Variants in XKR9 observed in about 807,000 individuals in gnomAD.
XKR9 encodes the protein XK related 9, also known as XK-related protein 9.
A neutral mutation model predicts 32.0 loss-of-function variants in XKR9; 32 were observed. The ratio of observed to expected loss-of-function variants is 1.00; its 90% CI spans 0.76 to 1.34. The LOEUF (loss-of-function observed/expected upper bound fraction) is 1.34. XKR9 is among the 40% of genes most tolerant of loss of function. The pLI is 0.00. For missense variants in XKR9, 546 were observed against 429.7 expected, an observed-to-expected ratio of 1.27 and a Z score of -2.39; for synonymous variants, 168 against 143.4, an observed-to-expected ratio of 1.17 and a Z score of -1.22.
chr8:71,013,516 A>G, the XKR9 span, among the ~76,000 whole-genome samples: 1 of 152,200 alleles, frequency 6.6e-6, no homozygotes, highest in East Asian at 1.9e-4. Flanking sequence ...AGTTTCCACA[A>G]GTTGGTTAAT....
At chr8:70,912,886 C>A in the XKR9 span, among the ~76,000 whole-genome samples, 1 of 152,060 alleles carries the variant, frequency 6.6e-6, no homozygotes, top group Non-Finnish European at 1.5e-5. Flanking sequence ...TCTGAAATAA[C>A]AAAGTAATTA....
chr8:70,848,175 A>G, the XKR9 span, among the ~76,000 whole-genome samples: 3 of 152,280 alleles, frequency 2.0e-5, no homozygotes, highest in South Asian at 4.1e-4. Flanking sequence ...ATGCAAATCA[A>G]TAGATGTGAT....
the XKR9 span, among the ~76,000 whole-genome samples, chr8:70,900,607 T>TAAAC: frequency 6.6e-6 from 1 of 151,662 alleles, no homozygotes; most frequent in African/African-American, 2.4e-5. Flanking sequence ...AATGAATAAA[T>TAAAC]AAATAAATAA....
the XKR9 span, among the ~76,000 whole-genome samples, chr8:70,930,627 T>A: frequency 1.1e-4 from 17 of 152,196 alleles, no homozygotes; most frequent in Non-Finnish European, 2.1e-4. Flanking sequence ...TGAACATATT[T>A]CAACTGCTTT....
At chr8:71,002,118 G>A in the XKR9 span, among the ~76,000 whole-genome samples, 1 of 151,992 alleles carries the variant, frequency 6.6e-6, no homozygotes, top group African/African-American at 2.4e-5. Context: ...CTATCATGAG[G>A]TCGTAAGAGA....
intron 2 of XKR9, among the ~76,000 whole-genome samples, chr8:70,757,217 C>A (rs768205790): frequency 6.6e-6 from 1 of 151,922 alleles, no homozygotes; most frequent in African/African-American, 2.4e-5. Context: ...CTCATTTCTC[C>A]TCTCCTTCTG....
chr8:70,712,545 G>C (rs932505175), intron 4 of XKR9, among the ~76,000 whole-genome samples: 2 of 152,030 alleles, frequency 1.3e-5, no homozygotes, highest in African/African-American at 2.4e-5. Flanking sequence ...ACTCCAAAAG[G>C]TACCCTTCTC....
intron 2 of XKR9, among the ~76,000 whole-genome samples, chr8:70,776,376 T>A (rs1276908618): frequency 6.6e-6 from 1 of 152,200 alleles, no homozygotes; most frequent in African/African-American, 2.4e-5. Context: ...TACCTTTTTT[T>A]AAGTGTCTGT....
chr8:71,017,298 T>C, the XKR9 span, among the ~76,000 whole-genome samples: 65,742 of 151,992 alleles, frequency 0.43, 15,275 homozygotes, highest in Non-Finnish European at 0.53. Context: ...TAAATATATC[T>C]TACAGTATGA....
At chr8:70,986,890 G>A in the XKR9 span, among the ~76,000 whole-genome samples, 9 of 152,166 alleles carry the variant, frequency 5.9e-5, no homozygotes, top group Admixed American at 5.9e-4. Context: ...AGTTCCACGT[G>A]GCTGTGGAAG....
the XKR9 span, among the ~76,000 whole-genome samples, chr8:71,063,380 C>A: frequency 6.6e-6 from 1 of 152,070 alleles, no homozygotes; most frequent in Non-Finnish European, 1.5e-5. Flanking sequence ...GGAGAGCCTC[C>A]ACTTAAACCC....
the XKR9 span, among the ~76,000 whole-genome samples, chr8:70,864,629 GC>G: frequency 6.6e-6 from 1 of 152,172 alleles, no homozygotes; most frequent in Non-Finnish European, 1.5e-5. Context: ...TTCAGTGACA[GC>G]TTTGCCTATA....
intron 2 of XKR9, among the ~76,000 whole-genome samples, chr8:70,771,404 T>G (rs1376087954): frequency 6.6e-6 from 1 of 152,224 alleles, no homozygotes; most frequent in African/African-American, 2.4e-5. Context: ...AAGACTGTTT[T>G]TTATCCTTAT....
intron 2 of XKR9, among the ~76,000 whole-genome samples, chr8:70,769,425 T>C (rs1807422975): frequency 6.6e-6 from 1 of 152,086 alleles, no homozygotes; most frequent in Non-Finnish European, 1.5e-5. Flanking sequence ...TTGTGGTTGC[T>C]CTTCTTGAGG....
the XKR9 span, among the ~76,000 whole-genome samples, chr8:70,819,552 C>T: frequency 6.6e-6 from 1 of 152,172 alleles, no homozygotes; most frequent in Non-Finnish European, 1.5e-5. Flanking sequence ...CATCACTTAA[C>T]AATTTGAGGA....
the XKR9 span, among the ~76,000 whole-genome samples, chr8:71,005,204 GT>G: frequency 2.1e-5 from 3 of 141,874 alleles, no homozygotes; most frequent in East Asian, 2.0e-4. Flanking sequence ...CTGGGGCTCA[GT>G]TTTTTTTTCT....
At chr8:70,688,347 T>G (rs937272709) in intron 3 of XKR9, among the ~76,000 whole-genome samples, 1 of 152,048 alleles carries the variant, frequency 6.6e-6, no homozygotes. Flanking sequence ...GCAAGAGTTC[T>G]CCCCGTCACC....
intron 4 of XKR9, among the ~76,000 whole-genome samples, chr8:70,709,689 C>T (rs563619047): frequency 6.6e-6 from 1 of 152,212 alleles, no homozygotes; most frequent in Admixed American, 6.5e-5. Context: ...AGAATGCAAT[C>T]CCTTTTACAG....
At chr8:71,052,717 T>G in the XKR9 span, among the ~76,000 whole-genome samples, 1 of 152,188 alleles carries the variant, frequency 6.6e-6, no homozygotes, top group African/African-American at 2.4e-5. Context: ...TCATGGCTGC[T>G]TCACCACTCC....
Sources: gnomAD v4.1 joint callset for allele counts (sites outside exome capture counted in the v4.1 genomes callset) on GRCh38, gnomAD v4.1.1 for gene constraint, MANE v1.5 for transcripts, NCBI Gene and HGNC (gene_info 2026-07-23, HGNC 2026-07-21) for gene names.